Variants in RABGEF1 observed in about 807,000 individuals in gnomAD.
RABGEF1 encodes the protein RAB guanine nucleotide exchange factor 1, also known as rab5 GDP/GTP exchange factor.
RABGEF1 carries 26 observed loss-of-function variants against 57.3 expected under a neutral mutation model. The observed-to-expected ratio is 0.45, with a 90% CI of 0.33 to 0.63. The LOEUF (loss-of-function observed/expected upper bound fraction) is 0.63. Among genes scored for constraint, RABGEF1 ranks in the 20% least tolerant of loss-of-function variants. The pLI is 0.02. For synonymous variants in RABGEF1, 185 were observed against 210.7 expected (o/e 0.88, Z 1.06); for missense variants, 464 against 607.6 (o/e 0.76, Z 2.48).
chr7:66,778,874 G>T (rs1276309868), intron 3 of RABGEF1, among the ~76,000 whole-genome samples: 1 of 152,150 alleles, frequency 6.6e-6, no homozygotes, highest in Non-Finnish European at 1.5e-5. Flanking sequence ...CCAGCACTTT[G>T]GGAGACCAAG....
intron 1 of RABGEF1, among the ~76,000 whole-genome samples, chr7:66,760,011 A>G (rs1345310652): frequency 6.6e-6 from 1 of 152,226 alleles, no homozygotes; most frequent in Non-Finnish European, 1.5e-5. Context: ...CCGTAACCAT[A>G]CAAAACACCC....
chr7:66,705,001 A>G (rs1201762153), intron 1 of RABGEF1, among the ~76,000 whole-genome samples: 2 of 152,112 alleles, frequency 1.3e-5, no homozygotes, highest in Non-Finnish European at 2.9e-5. Context: ...ATTCTTGTAC[A>G]TGTTTTGTTA....
chr7:66,695,575 G>C (rs965658042), intron 1 of RABGEF1, among the ~76,000 whole-genome samples: 1 of 152,120 alleles, frequency 6.6e-6, no homozygotes, highest in Non-Finnish European at 1.5e-5. Flanking sequence ...AGCCAGGCTG[G>C]AGAGAGTTTT....
At chr7:66,791,048 A>G (rs1026915422) in intron 4 of RABGEF1, among the ~76,000 whole-genome samples, 43 of 152,222 alleles carry the variant, frequency 2.8e-4, no homozygotes, top group African/African-American at 7.2e-5. Flanking sequence ...CATTTCATTC[A>G]ATAAAGGGAA....
chr7:66,711,003 A>T (rs1487660944), intron 1 of RABGEF1, among the ~76,000 whole-genome samples: 1 of 152,008 alleles, frequency 6.6e-6, no homozygotes, highest in African/African-American at 2.4e-5. Context: ...TAAAGGAAAT[A>T]AAAAAACTTA....
At chr7:66,708,968 A>G (rs1419091955) in intron 1 of RABGEF1, among the ~76,000 whole-genome samples, 1 of 151,578 alleles carries the variant, frequency 6.6e-6, no homozygotes, top group Non-Finnish European at 1.5e-5. Context: ...CTTTCCTGTT[A>G]TGCCTCTCTA....
At chr7:66,783,603 A>T (rs563426787) in intron 3 of RABGEF1, 72 bp from the exon 4 acceptor site, 8 of 1,294,914 alleles carry the variant, frequency 6.2e-6, no homozygotes, top group Non-Finnish European at 8.3e-6. Flanking sequence ...AACCTTAGGT[A>T]AGATACTTAA....
chr7:66,753,214 T>C (rs1405744462), intron 1 of RABGEF1, among the ~76,000 whole-genome samples: 1 of 152,118 alleles, frequency 6.6e-6, no homozygotes, highest in Non-Finnish European at 1.5e-5. Flanking sequence ...AGGATGACCA[T>C]GTAACTTATT....
At chr7:66,680,841 G>A (rs543081624), upstream of RABGEF1, among the ~76,000 whole-genome samples, 11 of 152,172 alleles carry the variant, frequency 7.2e-5, no homozygotes, top group Non-Finnish European at 1.5e-4. Context: ...TAGCACTTTG[G>A]AAGGCCAAGG....
At chr7:66,733,999 C>T (rs1177561132) in intron 2 of RABGEF1, among the ~76,000 whole-genome samples, 1 of 152,076 alleles carries the variant, frequency 6.6e-6, no homozygotes, top group Non-Finnish European at 1.5e-5. Flanking sequence ...AGCGAGACTC[C>T]GTCTCAAAAA....
chr7:66,773,830 T>C (rs1016389010), intron 2 of RABGEF1: 8 of 422,960 alleles, frequency 1.9e-5, no homozygotes, highest in African/African-American at 1.6e-4. Flanking sequence ...CATGCCCAGC[T>C]AAGTTTTGTA....
At chr7:66,762,396 G>A (rs1444682081) in intron 1 of RABGEF1, among the ~76,000 whole-genome samples, 1 of 152,138 alleles carries the variant, frequency 6.6e-6, no homozygotes, top group Admixed American at 6.5e-5. Context: ...TTCGAGATCA[G>A]CCTGGTCAAT....
At chr7:66,791,680 A>G (rs536919393) in intron 4 of RABGEF1, among the ~76,000 whole-genome samples, 2 of 152,374 alleles carry the variant, frequency 1.3e-5, no homozygotes, top group South Asian at 4.1e-4. Context: ...AGTGGAAACA[A>G]AGATCTCAGC....
chr7:66,716,040 T>C (rs1795354470), intron 2 of RABGEF1, among the ~76,000 whole-genome samples: 1 of 152,176 alleles, frequency 6.6e-6, no homozygotes. Flanking sequence ...TCTTGAAGAG[T>C]CCAACTATAA....
rs554466918 is a variant in RABGEF1, at chr7:66,732,391, G to A, written c.-814-7605G>A. Among the ~76,000 whole-genome samples, 4 of 152,346 alleles carry A rather than the reference G, an allele frequency of 2.6e-5. No individual in the cohort carries two copies. In the South Asian group the frequency reaches 8.3e-4, roughly 32 times the overall value. On this transcript the variant is annotated intron_variant and NMD_transcript_variant, in intron 2 of 9. Transcript: ENST00000607882. ...CCTGCTGCCCACCACCCACCAAGAG[G>A]TGAGGAGAAGCAGATGAGACCTAAG...
chr7:66,792,480 G>A (rs193180203), intron 4 of RABGEF1, among the ~76,000 whole-genome samples: 20 of 152,298 alleles, frequency 1.3e-4, no homozygotes, highest in Middle Eastern at 3.4e-3. Context: ...TGTTCCTATA[G>A]GATAATGCAG....
intron 1 of RABGEF1, among the ~76,000 whole-genome samples, chr7:66,746,446 C>T (rs762127620): frequency 6.6e-6 from 1 of 150,656 alleles, no homozygotes; most frequent in African/African-American, 2.4e-5. Context: ...AACCACCATA[C>T]CCAGCTAATT....
intron 4 of RABGEF1, among the ~76,000 whole-genome samples, chr7:66,787,118 C>A (rs920850311): frequency 2.0e-5 from 3 of 151,936 alleles, no homozygotes; most frequent in Admixed American, 2.0e-4. Context: ...CCTTTACCTT[C>A]CAGGTTCCAG....
chr7:66,681,614 G>A (rs1006638217), upstream of RABGEF1, among the ~76,000 whole-genome samples: 1 of 152,136 alleles, frequency 6.6e-6, no homozygotes, highest in Non-Finnish European at 1.5e-5. Flanking sequence ...CTGTGGCCCA[G>A]GGTGGTCTCG....
Sources: allele counts gnomAD v4.1 joint callset (sites outside exome capture counted in the v4.1 genomes callset), GRCh38; gene constraint gnomAD v4.1.1; transcripts MANE v1.5; gene names NCBI Gene and HGNC (gene_info 2026-07-23, HGNC 2026-07-21).